The following CREBRF variants were observed in gnomAD, a reference collection of about 807,000 sequenced individuals.
The protein encoded by CREBRF is UPF0474 protein C5orf41.
CREBRF carries 5 observed loss-of-function variants against 66.1 expected under a neutral mutation model. The ratio of observed to expected loss-of-function variants is 0.08; its 90% confidence interval spans 0.04 to 0.16. The LOEUF (loss-of-function observed/expected upper bound fraction) is 0.16, where lower values mean the gene tolerates loss of function less well. Ranked by LOEUF, CREBRF falls within the 10% of genes least tolerant of loss-of-function variation. The pLI is 1.00. For synonymous variants in CREBRF, 229 were observed against 264.4 expected (o/e 0.87, Z 1.30); for missense variants, 531 against 744.9 (o/e 0.71, Z 3.34).
At chr5:173,125,883 A>AAACAG (rs1260127912) in intron 8 of CREBRF, among the ~76,000 whole-genome samples, 1 of 152,058 alleles carries the variant, frequency 6.6e-6, no homozygotes, top group Non-Finnish European at 1.5e-5. Flanking sequence ...AAACAAAACA[A>AAACAG]AAAAACATGG....
chr5:173,102,119 C>T (rs189619964), intron 4 of CREBRF, among the ~76,000 whole-genome samples: 84 of 152,296 alleles, frequency 5.5e-4, no homozygotes, highest in African/African-American at 1.9e-3. Context: ...TGTTCTTCAG[C>T]TCTAGATTGC....
chr5:173,117,774 G>A (rs1484017591), intron 7 of CREBRF, among the ~76,000 whole-genome samples: 8 of 148,064 alleles, frequency 5.4e-5, no homozygotes, highest in African/African-American at 2.0e-4. Context: ...CCAGTGGTGC[G>A]ATCTCAGCTC....
At chr5:173,127,043 C>T (rs1355802051) in intron 8 of CREBRF, among the ~76,000 whole-genome samples, 1 of 152,156 alleles carries the variant, frequency 6.6e-6, no homozygotes, top group Non-Finnish European at 1.5e-5. Flanking sequence ...TGCACCACTG[C>T]ACTCCAGCCT....
intron 8 of CREBRF, among the ~76,000 whole-genome samples, chr5:173,124,801 T>C (rs1473778035): frequency 1.3e-5 from 2 of 152,156 alleles, no homozygotes; most frequent in East Asian, 3.9e-4. Context: ...GCTTTGCTTT[T>C]CTTCTGTAGG....
intron 4 of CREBRF, 120 bp downstream of exon 4, chr5:173,091,521 T>G (rs907346557): frequency 5.4e-6 from 8 of 1,487,098 alleles, no homozygotes; most frequent in Non-Finnish European, 7.2e-6. Context: ...ATTAAATGAC[T>G]TAAACCTTGG....
rs1759628338 is a variant in CREBRF, at chr5:173,138,063, A to G, written c.*4318A>G. ...CTAGTGAAGTCTGTTGTGGAATACC[A>G]TTTCCCATGGAACTGAGGCCATTTC... On this transcript the variant is annotated 3_prime_UTR_variant, in exon 9 of 9. Coordinates refer to ENST00000296953, the MANE Select transcript of CREBRF (RefSeq NM_153607.3). 1 of 152,156 alleles carries G rather than the reference A, an allele frequency of 6.6e-6. No homozygotes were observed. Among genetic ancestry groups the G allele is most frequent in the Admixed American group, 6.6e-5 (1 of 15,264 alleles). 9.4% of individuals were successfully genotyped at this position (152,156 alleles called of 1,614,324 possible). A position where few individuals can be genotyped will look rare whatever the true frequency, so the allele number is the denominator to read the frequency against.
chr5:173,091,746 T>A (rs1758346939), intron 4 of CREBRF: 1 of 1,006,988 alleles, frequency 9.9e-7, no homozygotes, highest in Non-Finnish European at 1.2e-6. Flanking sequence ...GTCACTCTCT[T>A]GAGCATTTAT....
intron 8 of CREBRF, 52 bp from the exon 9 acceptor site, chr5:173,133,577 CT>C: frequency 9.4e-7 from 1 of 1,060,124 alleles, no homozygotes. Context: ...CTTCCCTTCC[CT>C]TCATGGCCTT....
In CREBRF at chr5:173,132,877, C is replaced by T. The variant is rs545384528; in HGVS notation, c.1805-753C>T. ...GGTGATCCGCCAACCTCAGGTGATC[C>T]GCCTGCCTCAGCCTCCCAAAGTGCT... On this transcript the variant is annotated intron_variant, in intron 8 of 8. Coordinates refer to ENST00000296953, the MANE Select transcript of CREBRF (RefSeq NM_153607.3). Among the ~76,000 whole-genome samples the T allele has an allele frequency of 1.1e-4, 17 of 150,600 alleles. No homozygotes were observed. In the South Asian group the frequency reaches 1.7e-3, roughly 15 times the overall value.
intron 8 of CREBRF, among the ~76,000 whole-genome samples, chr5:173,127,162 C>CTTTTTTTTT (rs70984944): frequency 8.7e-6 from 1 of 114,762 alleles, no homozygotes; most frequent in Non-Finnish European, 1.8e-5. Context: ...GTTTCTTTTT[C>CTTTTTTTTT]TTTTTTTTTT....
At chr5:173,116,243 G>A (rs551717469) in intron 7 of CREBRF, among the ~76,000 whole-genome samples, 1 of 152,302 alleles carries the variant, frequency 6.6e-6, no homozygotes, top group Admixed American at 6.5e-5. Context: ...CTTTACCGAG[G>A]TATAATTGAA....
chr5:173,091,954 A>T (rs1758354992), intron 4 of CREBRF: 1 of 264,814 alleles, frequency 3.8e-6, no homozygotes, highest in Non-Finnish European at 5.8e-6. Context: ...GGTGGCACGC[A>T]TCTGTAATCC....
At position 173,059,836 on chromosome 5, in the gene CREBRF, G is replaced by A. The variant is rs1179102146; in HGVS notation, c.-192+3357G>A. 7.2e-5 allele frequency among the ~76,000 whole-genome samples: 11 copies of A among 152,266 alleles called. No individual in the cohort carries two copies. In the East Asian group the frequency reaches 2.1e-3, roughly 29 times the overall value. ...TTCATATGACTGGTATATCAGCTTT[G>A]GGTTTTTTATATTCATAAGCATAGA... On this transcript the variant is annotated intron_variant, in intron 1 of 8. Transcript: ENST00000296953.
At chr5:173,089,083 G>A (rs1758249463) in intron 3 of CREBRF, among the ~76,000 whole-genome samples, 1 of 151,144 alleles carries the variant, frequency 6.6e-6, no homozygotes, top group African/African-American at 2.4e-5. Context: ...GGAGGCTGAG[G>A]CAGAGAATTT....
At chr5:173,128,873 C>G (rs989097856) in intron 8 of CREBRF, among the ~76,000 whole-genome samples, 3 of 151,330 alleles carry the variant, frequency 2.0e-5, no homozygotes, top group African/African-American at 7.3e-5. Context: ...CTCCGCCTCC[C>G]GGGCTCACAC....
intron 8 of CREBRF, among the ~76,000 whole-genome samples, chr5:173,130,612 A>G (rs1759401064): frequency 6.6e-6 from 1 of 151,516 alleles, no homozygotes; most frequent in East Asian, 1.9e-4. Context: ...GCAGCCTCCA[A>G]CTCCTGGACT....
chr5:173,116,675 G>A (rs181456073), intron 7 of CREBRF, among the ~76,000 whole-genome samples: 2 of 151,246 alleles, frequency 1.3e-5, no homozygotes, highest in Admixed American at 6.6e-5. Flanking sequence ...CTATAACCAC[G>A]GGGCTATGAG....
chr5:173,068,946 C>T (rs1001013341), intron 1 of CREBRF, among the ~76,000 whole-genome samples: 1 of 151,716 alleles, frequency 6.6e-6, no homozygotes, highest in Non-Finnish European at 1.5e-5. Flanking sequence ...GTGGCGTGCA[C>T]CTGTAGTCCC....
Position 173,082,302 on chromosome 5 carries a change from CG to C in CREBRF, c.9+1519del, listed in dbSNP as rs1164267690. On this transcript the variant is annotated intron_variant, in intron 2 of 8. Coordinates refer to ENST00000296953, the MANE Select transcript of CREBRF (RefSeq NM_153607.3). ...TGCTGGGATTACAGGCGTGAGCCACCGTGCCTGGCCGAGGTTTAGTTTTATA... is the reference window on the plus strand; with the variant it reads ...TGCTGGGATTACAGGCGTGAGCCACCTGCCTGGCCGAGGTTTAGTTTTATA... 1.5e-4 allele frequency among the ~76,000 whole-genome samples: 22 copies of C among 151,612 alleles called. No homozygotes were observed. In the South Asian group the frequency reaches 2.1e-3, roughly 14 times the overall value.
Sources: allele counts gnomAD v4.1 joint callset (sites outside exome capture counted in the v4.1 genomes callset), GRCh38; gene constraint gnomAD v4.1.1; transcripts MANE v1.5; gene names NCBI Gene and HGNC (gene_info 2026-07-23, HGNC 2026-07-21).